The following CALN1 variants were observed in gnomAD, a reference collection of about 807,000 sequenced individuals.
CALN1 encodes the protein calcium-binding protein 8.
Under a neutral mutation model 30.6 loss-of-function variants are expected in CALN1, and 17 were observed. The observed-to-expected ratio is 0.56, with a 90% CI of 0.38 to 0.83. The LOEUF is 0.83. CALN1 is among the 40% of genes least tolerant of loss of function. CALN1 has a pLI of 0.00. For missense variants in CALN1, 291 were observed against 354.9 expected, an observed-to-expected ratio of 0.82 and a Z score of 1.45; for synonymous variants, 156 against 131.4, an observed-to-expected ratio of 1.19 and a Z score of -1.28.
chr7:71,928,448 CAAAAAA>C (rs60088732), intron 5 of CALN1, among the ~76,000 whole-genome samples: 3 of 99,926 alleles, frequency 3.0e-5, no homozygotes, highest in African/African-American at 1.2e-4. Context: ...CTTTTAATGG[CAAAAAA>C]AAAAAAAAAA....
chr7:71,928,548 G>A (rs919990657), intron 5 of CALN1, among the ~76,000 whole-genome samples: 12 of 151,664 alleles, frequency 7.9e-5, no homozygotes, highest in South Asian at 2.1e-4. Context: ...TGCAGAACCC[G>A]TGGATACAGA....
chr7:72,060,894 G>A (rs548381195), intron 4 of CALN1, among the ~76,000 whole-genome samples: 1 of 152,326 alleles, frequency 6.6e-6, no homozygotes, highest in South Asian at 2.1e-4. Flanking sequence ...ACAGAACTGT[G>A]AGCCAAATAA....
chr7:72,391,649 G>A (rs1263226088), intron 2 of CALN1, among the ~76,000 whole-genome samples: 1 of 152,212 alleles, frequency 6.6e-6, no homozygotes, highest in East Asian at 1.9e-4. Flanking sequence ...TCTCGTGGTA[G>A]TGAGTAGGTC....
intron 3 of CALN1, among the ~76,000 whole-genome samples, chr7:72,247,260 T>TTTTTTTTTG: frequency 1.1e-5 from 1 of 94,076 alleles, no homozygotes. Context: ...TTTTTTTTTT[T>TTTTTTTTTG]TTTTTTGAGA....
At chr7:71,989,165 C>T (rs943916562) in intron 5 of CALN1, among the ~76,000 whole-genome samples, 3 of 152,098 alleles carry the variant, frequency 2.0e-5, no homozygotes, top group East Asian at 1.9e-4. Context: ...TGGCTGGGCA[C>T]GGTGGCTCAT....
intron 3 of CALN1, among the ~76,000 whole-genome samples, chr7:72,198,033 G>A (rs965461016): frequency 1.3e-5 from 2 of 152,116 alleles, no homozygotes; most frequent in Non-Finnish European, 1.5e-5. Context: ...TCTTTGGAGG[G>A]GAAGTGCCTA....
intron 3 of CALN1, among the ~76,000 whole-genome samples, chr7:72,177,165 C>A (rs1789418101): frequency 6.6e-6 from 1 of 152,160 alleles, no homozygotes; most frequent in Non-Finnish European, 1.5e-5. Context: ...TCTGTGCATT[C>A]ATTCAATGAG....
At chr7:72,394,329 A>G (rs1177352058) in intron 2 of CALN1, among the ~76,000 whole-genome samples, 1 of 152,190 alleles carries the variant, frequency 6.6e-6, no homozygotes, top group Non-Finnish European at 1.5e-5. Flanking sequence ...GCAAAAGAAA[A>G]AATGTACATG....
At chr7:72,018,439 A>C (rs1056929287) in intron 5 of CALN1, among the ~76,000 whole-genome samples, 5 of 152,100 alleles carry the variant, frequency 3.3e-5, no homozygotes, top group African/African-American at 1.2e-4. Flanking sequence ...ACATTTCCTC[A>C]GCAAATATAC....
chr7:72,030,406 A>G (rs893035799), intron 4 of CALN1, among the ~76,000 whole-genome samples: 4 of 152,204 alleles, frequency 2.6e-5, no homozygotes. Flanking sequence ...CTAATCTACA[A>G]TTCTATACCA....
At chr7:72,293,340 G>C (rs1005699413) in intron 2 of CALN1, among the ~76,000 whole-genome samples, 5 of 152,090 alleles carry the variant, frequency 3.3e-5, no homozygotes, top group African/African-American at 1.2e-4. Flanking sequence ...CTGCCCAATA[G>C]GAACTAAAAG....
intron 5 of CALN1, among the ~76,000 whole-genome samples, chr7:71,994,388 T>C (rs1234034615): frequency 6.6e-6 from 1 of 151,832 alleles, no homozygotes; most frequent in Non-Finnish European, 1.5e-5. Context: ...GGTGGGTACC[T>C]GTAATCCCAG....
At chr7:71,844,187 T>C (rs959243492) in intron 5 of CALN1, among the ~76,000 whole-genome samples, 33 of 152,172 alleles carry the variant, frequency 2.2e-4, no homozygotes, top group African/African-American at 7.7e-4. Context: ...TGAAGCCTCA[T>C]TCTTGGGAAT....
chr7:72,336,908 G>A, intron 2 of CALN1: 1 of 984,078 alleles, frequency 1.0e-6, no homozygotes. Context: ...GGCGCCCCCG[G>A]GCCGCTCCCC....
At chr7:72,431,670 T>A (rs1466262426) in intron 1 of CALN1, among the ~76,000 whole-genome samples, 1 of 152,098 alleles carries the variant, frequency 6.6e-6, no homozygotes, top group East Asian at 1.9e-4. Flanking sequence ...GAGAGAGACC[T>A]CGTCTCTACA....
intron 5 of CALN1, among the ~76,000 whole-genome samples, chr7:71,920,930 CAACAGCAAAGACTTGG>C (rs1794912874): frequency 1.3e-5 from 2 of 152,110 alleles, no homozygotes; most frequent in Non-Finnish European, 2.9e-5. Context: ...GCACTGTTCA[CAACAGCAAAGACTTGG>C]AACCAATCCA....
chr7:71,894,464 G>A (rs1351711306), intron 5 of CALN1, among the ~76,000 whole-genome samples: 3 of 152,068 alleles, frequency 2.0e-5, no homozygotes, highest in Admixed American at 6.5e-5. Flanking sequence ...ACGGAGTCTC[G>A]TTATGTTGCC....
intron 4 of CALN1, among the ~76,000 whole-genome samples, chr7:72,096,044 G>GATAA (rs1554438919): frequency 8.6e-6 from 1 of 116,470 alleles, no homozygotes; most frequent in Non-Finnish European, 2.1e-5. Context: ...GTCTCTAAAA[G>GATAA]ATAGATAGAT....
intron 3 of CALN1, among the ~76,000 whole-genome samples, chr7:72,123,092 A>G (rs1023347974): frequency 2.0e-5 from 3 of 152,074 alleles, no homozygotes; most frequent in African/African-American, 7.2e-5. Context: ...GCTATTTACC[A>G]CTGTTGCAGT....
Sources: allele counts gnomAD v4.1 joint callset (sites outside exome capture counted in the v4.1 genomes callset), GRCh38; gene constraint gnomAD v4.1.1; transcripts MANE v1.5; gene names NCBI Gene and HGNC (gene_info 2026-07-23, HGNC 2026-07-21).